The following MAP4K3 variants were observed in gnomAD, a reference collection of about 807,000 sequenced individuals.
MAP4K3 encodes MAPK/ERK kinase kinase kinase 3.
In MAP4K3, 94 loss-of-function variants were observed where a neutral mutation model predicts 143.5. The observed-to-expected ratio is 0.65, with a 90% confidence interval of 0.55 to 0.78. MAP4K3 has a LOEUF of 0.78. Among genes scored for constraint, MAP4K3 ranks in the 30% least tolerant of loss-of-function variants. The pLI, the probability that MAP4K3 is intolerant of heterozygous loss-of-function variation, is 0.00. For synonymous variants in MAP4K3, 416 were observed against 347.2 expected (o/e 1.20, Z -2.20); for missense variants, 1,077 against 1,068.1 (o/e 1.01, Z -0.12).
At chr2:39,399,634 A>G (rs915124312) in intron 1 of MAP4K3, among the ~76,000 whole-genome samples, 1 of 152,234 alleles carries the variant, frequency 6.6e-6, no homozygotes, top group African/African-American at 2.4e-5. Flanking sequence ...ATTTGAGGCG[A>G]TATTTTAGTG....
chr2:39,406,967 T>C (rs757772681), intron 1 of MAP4K3, among the ~76,000 whole-genome samples: 7 of 152,196 alleles, frequency 4.6e-5, no homozygotes, highest in Non-Finnish European at 8.8e-5. Flanking sequence ...ATATACCTCA[T>C]GAACATAAAA....
At chr2:39,368,397 T>G (rs1001172430) in intron 2 of MAP4K3, among the ~76,000 whole-genome samples, 4 of 152,148 alleles carry the variant, frequency 2.6e-5, no homozygotes, top group Non-Finnish European at 5.9e-5. Context: ...CTGGACACAG[T>G]GGCTCATGTT....
In MAP4K3 at chr2:39,396,128, C is replaced by T. The variant is rs72929191; in HGVS notation, c.97-18005G>A. Among the ~76,000 whole-genome samples, 859 of 152,222 alleles carry T rather than the reference C, an allele frequency of 5.6e-3. 6 individuals are homozygous for T. The highest frequency in any genetic ancestry group is 0.02 in the African/African-American group (823 of 41,528). On this transcript the variant is annotated intron_variant, in intron 1 of 33. Coordinates refer to ENST00000263881, the MANE Select transcript of MAP4K3 (RefSeq NM_003618.4). Reference sequence around the variant, plus strand: ...CATAGCTCACTGCAGCCTCTTAACTCCTGGGCTCAAACAATCTTCCTGCCT... The same window carrying T: ...CATAGCTCACTGCAGCCTCTTAACTTCTGGGCTCAAACAATCTTCCTGCCT...
intron 32 of MAP4K3, 105 bp from the exon 33 acceptor site, chr2:39,251,990 G>A (rs923766312): frequency 1.1e-5 from 8 of 743,012 alleles, no homozygotes; most frequent in Admixed American, 2.1e-5. Context: ...CGCTAAAAAT[G>A]AAAACATATT....
At chr2:39,283,934 A>G (rs1046741812) in intron 21 of MAP4K3, 1 of 152,212 alleles carries the variant, frequency 6.6e-6, no homozygotes, top group African/African-American at 2.4e-5. Flanking sequence ...AAAACTAATA[A>G]AAAAGCTACT....
intron 13 of MAP4K3, 30 bp from the exon 14 acceptor site, chr2:39,309,549 T>TA: frequency 5.4e-6 from 2 of 367,426 alleles, no homozygotes; most frequent in East Asian, 1.9e-4. Context: ...AAAACCAGGA[T>TA]TTTTTTTTTT....
chr2:39,304,449 T>A (rs1333793441), intron 15 of MAP4K3, among the ~76,000 whole-genome samples: 2 of 152,208 alleles, frequency 1.3e-5, no homozygotes, highest in Non-Finnish European at 2.9e-5. Flanking sequence ...TGAAATCTTG[T>A]TCACAGTGCC....
At position 39,337,560 on chromosome 2, in the gene MAP4K3, A is replaced by G; in HGVS notation, c.332T>C (p.Leu111Pro). Reference protein sequence around the residue: ...IYHVTGPLSELQIAYVSRETL... With the variant: ...IYHVTGPLSEPQIAYVSRETL... ...TTCTCTGCTAACATATGCAATTTGC[A>G]GTTCTGACAGAGGTCCAGTTACTGT... is the stretch of plus-strand genomic sequence containing the variant. Residue 111 changes from leucine to proline, a missense_variant, in exon 5 of 34, where the codon CTG becomes CCG. Leu to Pro is a moderately conservative substitution (Grantham distance 98). Around this residue, in one of 2 missense-constraint regions of MAP4K3, gnomAD observed 213 missense variants for 266.8 expected, o/e 0.80. Coordinates refer to ENST00000263881, the MANE Select transcript of MAP4K3 (RefSeq NM_003618.4). The G allele has an allele frequency of 6.2e-7, 1 of 1,611,548 alleles. No individual in the cohort carries two copies. Among genetic ancestry groups the G allele is most frequent in the Non-Finnish European group, 8.5e-7 (1 of 1,178,116 alleles).
At chr2:39,351,736 T>C (rs1442074787) in intron 3 of MAP4K3, among the ~76,000 whole-genome samples, 1 of 152,206 alleles carries the variant, frequency 6.6e-6, no homozygotes, top group African/African-American at 2.4e-5. Context: ...TGGAGTGATC[T>C]TGGCTCACTG....
At chr2:39,327,571 T>C (rs1683537028) in intron 8 of MAP4K3, among the ~76,000 whole-genome samples, 1 of 152,190 alleles carries the variant, frequency 6.6e-6, no homozygotes, top group Non-Finnish European at 1.5e-5. Flanking sequence ...TAGATAATCT[T>C]ACAAATACAC....
chr2:39,354,398 G>A (rs1056293014), intron 3 of MAP4K3, among the ~76,000 whole-genome samples: 2 of 151,724 alleles, frequency 1.3e-5, no homozygotes, highest in Non-Finnish European at 1.5e-5. Flanking sequence ...AGCTGAGATC[G>A]CGCCACTGCA....
intron 2 of MAP4K3, among the ~76,000 whole-genome samples, chr2:39,362,867 G>C (rs1049049813): frequency 6.6e-6 from 1 of 152,136 alleles, no homozygotes; most frequent in Non-Finnish European, 1.5e-5. Context: ...CAACGGAATA[G>C]AGAAAAGAAA....
chr2:39,420,580 CTT>C (rs1268859534), intron 1 of MAP4K3, among the ~76,000 whole-genome samples: 8 of 139,516 alleles, frequency 5.7e-5, no homozygotes, highest in Non-Finnish European at 6.3e-5. Flanking sequence ...CCATGCCTGG[CTT>C]TTTTTTTTTT....
chr2:39,380,774 A>G (rs535681213), intron 1 of MAP4K3, among the ~76,000 whole-genome samples: 2 of 152,334 alleles, frequency 1.3e-5, no homozygotes, highest in African/African-American at 4.8e-5. Context: ...CTGTCAGAGT[A>G]TTTAAAGCTT....
chr2:39,345,973 A>G (rs2148539150), intron 3 of MAP4K3, among the ~76,000 whole-genome samples: 1 of 151,726 alleles, frequency 6.6e-6, no homozygotes, highest in South Asian at 2.1e-4. Flanking sequence ...ATAAATCTGA[A>G]GCCATCCAGG....
chr2:39,355,205 C>A (rs1481071882), intron 3 of MAP4K3, among the ~76,000 whole-genome samples: 2 of 151,760 alleles, frequency 1.3e-5, no homozygotes, highest in African/African-American at 4.8e-5. Context: ...TACTAAAACA[C>A]AAAAAATTAG....
intron 12 of MAP4K3, 21 bp downstream of exon 12, chr2:39,325,497 G>T: frequency 6.5e-7 from 1 of 1,536,976 alleles, no homozygotes; most frequent in African/African-American, 1.4e-5. Context: ...ATATATGCCC[G>T]CTGGTAAAAG....
chr2:39,280,279 A>G lies in MAP4K3; in HGVS notation c.1707T>C (p.Asp569=). The G allele has an allele frequency of 6.4e-7, 1 of 1,571,968 alleles. No individual in the cohort carries two copies. The highest frequency in any genetic ancestry group is 8.7e-7 in the Non-Finnish European group (1 of 1,154,520). ...IHCASSWINP[D]TRDQYLIFGA... ...AAAAACACACAATACTACCTCTTGT[A>G]TCTGGGTTTATCCATGATGATGCAC... The change falls in exon 23 of 34, where the codon GAT becomes GAC. Residue 569 remains aspartate (D), a synonymous_variant. Transcript: ENST00000263881.
chr2:39,354,753 C>T (rs1471402801), intron 3 of MAP4K3, among the ~76,000 whole-genome samples: 3 of 152,080 alleles, frequency 2.0e-5, no homozygotes, highest in Non-Finnish European at 4.4e-5. Context: ...TGGTTACAAC[C>T]ATGAACAGCA....
Sources: gnomAD v4.1 joint callset for allele counts (sites outside exome capture counted in the v4.1 genomes callset) on GRCh38, gnomAD v4.1.1 for gene constraint, gnomAD v4.1.1 regional missense constraint, MANE v1.5 for transcripts, NCBI Gene and HGNC (gene_info 2026-07-23, HGNC 2026-07-21) for gene names.